Variants in PCDHGA10 observed in about 807,000 individuals in gnomAD.
PCDHGA10 encodes protocadherin gamma subfamily A, 10, also known as protocadherin gamma-A10.
PCDHGA10 carries 42 observed loss-of-function variants against 59.5 expected under a neutral mutation model. The ratio of observed to expected loss-of-function variants is 0.71; its 90% CI spans 0.55 to 0.91. The LOEUF (loss-of-function observed/expected upper bound fraction) is 0.91. Among genes scored for constraint, PCDHGA10 ranks in the 40% least tolerant of loss-of-function variants. PCDHGA10 has a pLI of 0.00. For missense variants in PCDHGA10, 1,111 were observed against 1,198.2 expected, an observed-to-expected ratio of 0.93 and a Z score of 1.07; for synonymous variants, 511 against 517.2, an observed-to-expected ratio of 0.99 and a Z score of 0.16.
At chr5:141,448,415 T>C (rs1286455437) in intron 1 of PCDHGA10, among the ~76,000 whole-genome samples, 2 of 152,158 alleles carry the variant, frequency 1.3e-5, no homozygotes, top group African/African-American at 2.4e-5. Context: ...ATCAAAACAA[T>C]ATACTATGTA....
chr5:141,476,416 A>C lies in PCDHGA10; in HGVS notation c.2437-18391A>C, dbSNP rs2099391138. On this transcript the variant is annotated intron_variant, in intron 1 of 3. Coordinates refer to ENST00000398610, the MANE Select transcript of PCDHGA10 (RefSeq NM_018913.3). The surrounding 1 kb of genome is among the most constrained non-coding windows in gnomAD (Gnocchi z 7.6). ...TGGATCGAGAGGAGCTGTGTGGGACACTGCCCTCTTGCACTGTAACTCTGG... is the reference window on the plus strand; with the variant it reads ...TGGATCGAGAGGAGCTGTGTGGGACCCTGCCCTCTTGCACTGTAACTCTGG... 6.2e-7 allele frequency: 1 copy of C among 1,614,056 alleles called. No homozygotes were observed. The highest frequency in any genetic ancestry group is 8.5e-7 in the Non-Finnish European group (1 of 1,179,994).
chr5:141,437,765 G>C (rs1561886251), intron 1 of PCDHGA10, among the ~76,000 whole-genome samples: 1 of 148,074 alleles, frequency 6.8e-6, no homozygotes, highest in African/African-American at 2.5e-5. Flanking sequence ...TTGAGACAGA[G>C]TCTCAATCTG....
chr5:141,454,493 A>G (rs1328573277), intron 1 of PCDHGA10, among the ~76,000 whole-genome samples: 1 of 151,866 alleles, frequency 6.6e-6, no homozygotes, highest in Non-Finnish European at 1.5e-5. Context: ...CGCAACCTCC[A>G]CCTCCTGGAT....
chr5:141,436,287 T>A (rs565612572), intron 1 of PCDHGA10, among the ~76,000 whole-genome samples: 1 of 152,262 alleles, frequency 6.6e-6, no homozygotes, highest in Admixed American at 6.5e-5. Context: ...TAGGAACAAA[T>A]CATTGAGAGT....
chr5:141,430,309 A>G (rs984998714), intron 1 of PCDHGA10, among the ~76,000 whole-genome samples: 2 of 152,116 alleles, frequency 1.3e-5, no homozygotes, highest in Non-Finnish European at 2.9e-5. Context: ...CACTAACATT[A>G]TAAGATTAAA....
At position 141,489,185 on chromosome 5, in the gene PCDHGA10, T is replaced by TCTA; in HGVS notation, c.2437-5620_2437-5618dup. Reference sequence around the variant, plus strand: ...CAGCTGCTGCATTCCAAGCCCTGGGTCTACCTTGGAGACAGGACAGCACAG... The same window carrying TCTA: ...CAGCTGCTGCATTCCAAGCCCTGGGTCTACTACCTTGGAGACAGGACAGCACAG... On this transcript the variant is annotated intron_variant, in intron 1 of 3. Coordinates refer to ENST00000398610, the MANE Select transcript of PCDHGA10 (RefSeq NM_018913.3). This position sits in a 1 kb window ranked among gnomAD's most constrained non-coding sequence, Gnocchi z 4.5. 7.8e-7 allele frequency: 1 copy of TCTA among 1,286,838 alleles called. No homozygotes were observed. The highest frequency in any genetic ancestry group is 1.5e-5 in the South Asian group (1 of 65,798). The allele number at this position is 1,286,838 out of a possible 1,614,324, so 79.7% of individuals were successfully genotyped here.
In PCDHGA10 at chr5:141,418,047, C is replaced by G. The variant is rs968352679; in HGVS notation, c.2436+2436C>G. The G allele has an allele frequency of 6.2e-6, 10 of 1,613,894 alleles. No individual in the cohort carries two copies. The highest frequency in any genetic ancestry group is 1.6e-4 in the Middle Eastern group (1 of 6,076). ...GGGCTTAGTGTCCTGGATGTGTCGG[C>G]TCGCGAGCTGCGAGTGAGCGCGGAG... On this transcript the variant is annotated intron_variant, in intron 1 of 3. Transcript: ENST00000398610.
intron 1 of PCDHGA10, chr5:141,442,062 G>A (rs1001398926): frequency 7.0e-5 from 13 of 185,900 alleles, no homozygotes; most frequent in Admixed American, 1.3e-4. Context: ...GGTGCACTGC[G>A]GTGGACAGCC....
At chr5:141,415,740 G>GTTTTTGTTTTTTTTTT (rs2095911468) in intron 1 of PCDHGA10, 129 bp downstream of exon 1, 1 of 515,998 alleles carries the variant, frequency 1.9e-6, no homozygotes, top group Non-Finnish European at 2.6e-6. Context: ...GTTTATTAAG[G>GTTTTTGTTTTTTTTTT]TTTTTTTTTT....
intron 1 of PCDHGA10, among the ~76,000 whole-genome samples, chr5:141,438,585 TACATAC>T (rs201018754): frequency 0.16 from 9,805 of 59,734 alleles, 612 homozygotes; most frequent in African/African-American, 0.28. Context: ...CATACATACA[TACATAC>T]ATATATATAT....
intron 1 of PCDHGA10, among the ~76,000 whole-genome samples, chr5:141,468,130 G>C (rs1312004369): frequency 6.6e-6 from 1 of 151,878 alleles, no homozygotes; most frequent in Admixed American, 6.6e-5. Context: ...TTTGAGACCA[G>C]CCTGGCCAAC....
intron 1 of PCDHGA10, chr5:141,419,522 C>T (rs781128524): frequency 1.5e-5 from 24 of 1,612,178 alleles, no homozygotes; most frequent in Non-Finnish European, 1.9e-5. Flanking sequence ...GGTGGGCGAC[C>T]GTAACGACAA....
chr5:141,470,652 C>T (rs923672818), intron 1 of PCDHGA10, among the ~76,000 whole-genome samples: 1 of 152,100 alleles, frequency 6.6e-6, no homozygotes, highest in African/African-American at 2.4e-5. Context: ...AAGGCCCCTA[C>T]CCTTTGGTTA....
chr5:141,505,341 A>T, intron 2 of PCDHGA10, 52 bp from the exon 3 acceptor site: 1 of 1,612,728 alleles, frequency 6.2e-7, no homozygotes, highest in Non-Finnish European at 8.5e-7. Flanking sequence ...CAGGAGGGGC[A>T]TGAGCTGTGC....
At chr5:141,457,560 G>A (rs1466753974) in intron 1 of PCDHGA10, among the ~76,000 whole-genome samples, 1 of 152,162 alleles carries the variant, frequency 6.6e-6, no homozygotes, top group African/African-American at 2.4e-5. Flanking sequence ...ATAAGCTTTG[G>A]AGCAAAATTT....
rs2099748976 is a variant in PCDHGA10, at chr5:141,493,566, C to G, written c.2437-1241C>G. Among the ~76,000 whole-genome samples, 1 of 152,168 alleles carries G rather than the reference C, an allele frequency of 6.6e-6. No individual in the cohort carries two copies. Among genetic ancestry groups the G allele is most frequent in the African/African-American group, 2.4e-5 (1 of 41,436 alleles). ...TTTTGGAGATTGAGTTCCCCCAGCT[C>G]CGTTTCCTCCTATCACAATCACTGC... is the stretch of plus-strand genomic sequence containing the variant. On this transcript the variant is annotated intron_variant, in intron 1 of 3. Transcript: ENST00000398610. The surrounding 1 kb of genome is among the most constrained non-coding windows in gnomAD (Gnocchi z 4.3).
At position 141,510,839 on chromosome 5, in the gene PCDHGA10, C is replaced by G. The variant is rs186647886; in HGVS notation, c.2585-108C>G. The stretch of plus-strand genomic sequence containing the variant: ...CTATATTCCCAGTGCTCAGCGTGGT[C>G]AAGGCCCAGGGTGCTGTATAGGCAT... On this transcript the variant is annotated intron_variant, in intron 3 of 3. Coordinates refer to ENST00000398610, the MANE Select transcript of PCDHGA10 (RefSeq NM_018913.3). The G allele has an allele frequency of 6.5e-5, 103 of 1,587,108 alleles. No individual in the cohort carries two copies. The East Asian group carries it at 1.6e-3, about 25-fold the overall frequency.
chr5:141,481,151 G>A (rs1326614212), intron 1 of PCDHGA10, among the ~76,000 whole-genome samples: 1 of 152,198 alleles, frequency 6.6e-6, no homozygotes, highest in African/African-American at 2.4e-5. Context: ...TGTTATTCTG[G>A]TATTTGCAGA....
intron 1 of PCDHGA10, among the ~76,000 whole-genome samples, chr5:141,435,134 A>G (rs1190517186): frequency 6.6e-6 from 1 of 152,190 alleles, no homozygotes; most frequent in Non-Finnish European, 1.5e-5. Context: ...GAAAATATAA[A>G]TAAAATTGTG....
Sources: gnomAD v4.1 joint callset for allele counts (sites outside exome capture counted in the v4.1 genomes callset) on GRCh38, gnomAD v4.1.1 for gene constraint, Gnocchi (gnomAD v3.1) non-coding constraint, MANE v1.5 for transcripts, NCBI Gene and HGNC (gene_info 2026-07-23, HGNC 2026-07-21) for gene names.